ZC2HC1B: variants seen among roughly 807,000 people sequenced by gnomAD.
ZC2HC1B encodes the protein zinc finger C2HC-type containing 1B.
ZC2HC1B carries 36 observed loss-of-function variants against 31.0 expected under a neutral mutation model. The ratio of observed to expected loss-of-function variants is 1.16; its 90% CI spans 0.89 to 1.54. The LOEUF (loss-of-function observed/expected upper bound fraction) is 1.54, where lower values mean the gene tolerates loss of function less well. Among genes scored for constraint, ZC2HC1B ranks in the 40% most tolerant of loss-of-function variants. The pLI is 0.00. For synonymous variants in ZC2HC1B, 73 were observed against 88.0 expected, an observed-to-expected ratio of 0.83 and a Z score of 0.95; for missense variants, 260 against 268.6, an observed-to-expected ratio of 0.97 and a Z score of 0.22.
intron 4 of ZC2HC1B, among the ~76,000 whole-genome samples, chr6:143,891,370 C>T (rs1005274229): frequency 6.6e-6 from 1 of 151,782 alleles, no homozygotes; most frequent in Non-Finnish European, 1.5e-5. Context: ...AATGTAATTC[C>T]ACTAGAAATA....
chr6:143,913,902 T>C lies in ZC2HC1B; in HGVS notation c.598+10750T>C, dbSNP rs1777888920. Among the ~76,000 whole-genome samples the C allele has an allele frequency of 6.6e-6, 1 of 152,226 alleles. No homozygotes were observed. Among genetic ancestry groups the C allele is most frequent in the South Asian group, 2.1e-4 (1 of 4,834 alleles). Reference sequence around the variant, plus strand: ...CAGTCCCAGTGTGAGAACCTGGATGTTTCAGTTGAAAGCTGTATTCACTTG... The same window carrying C: ...CAGTCCCAGTGTGAGAACCTGGATGCTTCAGTTGAAAGCTGTATTCACTTG... On this transcript the variant is annotated intron_variant, in intron 6 of 7. Coordinates refer to ENST00000237275, the MANE Select transcript of ZC2HC1B (RefSeq NM_001013623.3). This position sits in a 1 kb window ranked among gnomAD's most constrained non-coding sequence, Gnocchi z 5.7.
rs758764385 is a variant in ZC2HC1B, at chr6:143,917,479, T to A, written c.598+14327T>A. Among the ~76,000 whole-genome samples, 7 of 152,256 alleles carry A rather than the reference T, an allele frequency of 4.6e-5. No homozygotes were observed. The highest frequency in any genetic ancestry group is 8.8e-5 in the Non-Finnish European group (6 of 68,048). Reference sequence around the variant, plus strand: ...GACTACATTTAACTTCCTAATGTTATCACATTCTCATTTGAATTTATTCCA... The same window carrying A: ...GACTACATTTAACTTCCTAATGTTAACACATTCTCATTTGAATTTATTCCA... On this transcript the variant is annotated intron_variant, in intron 6 of 7. Coordinates refer to ENST00000237275, the MANE Select transcript of ZC2HC1B (RefSeq NM_001013623.3). The surrounding 1 kb of genome is among the most constrained non-coding windows in gnomAD (Gnocchi z 4.1).
At chr6:143,878,741 C>T (rs754209828) in intron 1 of ZC2HC1B, among the ~76,000 whole-genome samples, 1 of 136,908 alleles carries the variant, frequency 7.3e-6, no homozygotes, top group Non-Finnish European at 1.6e-5. Flanking sequence ...CTCACAGGAA[C>T]CTAACCCTAT....
In ZC2HC1B at chr6:143,935,646, C is replaced by CTT. The variant is rs759896830; in HGVS notation, c.599-1976_599-1975dup. Among the ~76,000 whole-genome samples, 454 of 55,834 alleles carry CTT rather than the reference C, an allele frequency of 8.1e-3. 147 individuals carry two copies. The highest frequency in any genetic ancestry group is 0.018 in the African/African-American group (262 of 14,812). 36.6% of individuals were successfully genotyped at this position (55,834 alleles called of 152,430 possible). On this transcript the variant is annotated intron_variant, in intron 6 of 7. Coordinates refer to ENST00000237275, the MANE Select transcript of ZC2HC1B (RefSeq NM_001013623.3). ...GTAGTTTAGGCCACTTGGTATCACT[C>CTT]TTTTTTTTTTTTTTTTTTTTTTTTT...
chr6:143,919,421 C>A (rs1777962042), intron 6 of ZC2HC1B, among the ~76,000 whole-genome samples: 2 of 151,998 alleles, frequency 1.3e-5, no homozygotes, highest in South Asian at 4.2e-4. Flanking sequence ...TTTTTAATGT[C>A]TAGTTTCCAA....
chr6:143,864,686 C>CT, intron 1 of ZC2HC1B, 119 bp downstream of exon 1: 1 of 1,123,740 alleles, frequency 8.9e-7, no homozygotes, highest in Non-Finnish European at 1.3e-6. Flanking sequence ...CCGTTTAAAT[C>CT]TAAGTATTGT....
Position 143,884,460 on chromosome 6 carries a change from G to A in ZC2HC1B, c.90+95G>A. The stretch of plus-strand genomic sequence containing the variant: ...GGCAGTGCAAAGATTAAAGACAGAT[G>A]TGGAGGGGAAGCAAGGGAAGAGGAA... On this transcript the variant is annotated intron_variant, in intron 2 of 7. Coordinates refer to ENST00000237275, the MANE Select transcript of ZC2HC1B (RefSeq NM_001013623.3). This position sits in a 1 kb window ranked among gnomAD's most constrained non-coding sequence, Gnocchi z 5.1. 1 of 1,200,646 alleles carries A rather than the reference G, an allele frequency of 8.3e-7. No individual in the cohort carries two copies. Among genetic ancestry groups the A allele is most frequent in the Non-Finnish European group, 1.2e-6 (1 of 866,464 alleles). 74.4% of individuals were successfully genotyped at this position (1,200,646 alleles called of 1,614,324 possible). A position where few individuals can be genotyped will look rare whatever the true frequency, so the allele number is the denominator to read the frequency against.
At chr6:143,925,974 T>G (rs1000080719) in intron 6 of ZC2HC1B, among the ~76,000 whole-genome samples, 6 of 152,240 alleles carry the variant, frequency 3.9e-5, no homozygotes, top group African/African-American at 1.4e-4. Flanking sequence ...TGTCTCCCTT[T>G]TTGTTTGTGA....
rs1391145657 is a variant in ZC2HC1B, at chr6:143,923,057, G to A, written c.599-14592G>A. Reference sequence around the variant, plus strand: ...TTTTTGATAAGAGCCATTCTAACAAGGGTAAGATTTTGTCTCATTGCGTCT... The same window carrying A: ...TTTTTGATAAGAGCCATTCTAACAAAGGTAAGATTTTGTCTCATTGCGTCT... On this transcript the variant is annotated intron_variant, in intron 6 of 7. Transcript: ENST00000237275. The surrounding 1 kb of genome is among the most constrained non-coding windows in gnomAD (Gnocchi z 4.8). Among the ~76,000 whole-genome samples, 1 of 152,126 alleles carries A rather than the reference G, an allele frequency of 6.6e-6. No homozygotes were observed. Among genetic ancestry groups the A allele is most frequent in the African/African-American group, 2.4e-5 (1 of 41,440 alleles).
Position 143,884,399 on chromosome 6 carries a change from T to C in ZC2HC1B, c.90+34T>C, listed in dbSNP as rs770533477. 2.0e-4 allele frequency: 303 copies of C among 1,518,412 alleles called. No individual in the cohort carries two copies. The highest frequency in any genetic ancestry group is 2.5e-4 in the Non-Finnish European group (276 of 1,121,878). The allele number at this position is 1,518,412 out of a possible 1,614,324, so 94.1% of individuals were successfully genotyped here. The stretch of plus-strand genomic sequence containing the variant: ...AAAGACATTTTGTAGATGTGTTTCA[T>C]TGGACTTAAATGAACTGTCAAGTCA... On this transcript the variant is annotated intron_variant, in intron 2 of 7. Transcript: ENST00000237275. This position sits in a 1 kb window ranked among gnomAD's most constrained non-coding sequence, Gnocchi z 5.1.
At chr6:143,874,081 C>T (rs1777378402) in intron 1 of ZC2HC1B, among the ~76,000 whole-genome samples, 1 of 152,152 alleles carries the variant, frequency 6.6e-6, no homozygotes, top group South Asian at 2.1e-4. Context: ...TGATGCTTTC[C>T]TGCTTAGAAA....
rs1273840889 is a variant in ZC2HC1B at position 143,882,329 on chromosome 6, A to AT, written c.29-1969dup. Reference sequence around the variant, plus strand: ...CTTAAAATATGTATACATATTTTATATTTTTTATATATATATATATATATA... The same window carrying AT: ...CTTAAAATATGTATACATATTTTATATTTTTTTATATATATATATATATATA... On this transcript the variant is annotated intron_variant, in intron 1 of 7. Transcript: ENST00000237275. Among the ~76,000 whole-genome samples the AT allele has an allele frequency of 0.014, 1,424 of 98,272 alleles. 108 individuals carry two copies. The East Asian group carries it at 0.21, about 15-fold the overall frequency. The allele number at this position is 98,272 out of a possible 152,430, so 64.5% of individuals were successfully genotyped here. A position where few individuals can be genotyped will look rare whatever the true frequency, so the allele number is the denominator to read the frequency against.
intron 6 of ZC2HC1B, among the ~76,000 whole-genome samples, chr6:143,925,914 T>A (rs936955832): frequency 3.3e-5 from 5 of 152,350 alleles, no homozygotes; most frequent in Non-Finnish European, 7.3e-5. Context: ...AGCATATAGT[T>A]CTTTATAAGT....
rs1347741446 is a variant in ZC2HC1B at position 143,898,612 on chromosome 6, C to G, written c.410C>G (p.Thr137Ser). 4 of 1,551,766 alleles carry G rather than the reference C, an allele frequency of 2.6e-6. No individual in the cohort carries two copies. Among genetic ancestry groups the G allele is most frequent in the Non-Finnish European group, 3.5e-6 (4 of 1,147,028 alleles). ...AATGAAAGCGCAGCTGAGCGACATACTAATTTCTGCAAGGATCAGTCTTCT... is the reference window on the plus strand; with the variant it reads ...AATGAAAGCGCAGCTGAGCGACATAGTAATTTCTGCAAGGATCAGTCTTCT... ...RFNESAAERHTNFCKDQSSRR... is the reference protein window; with the variant it reads ...RFNESAAERHSNFCKDQSSRR... The change falls in exon 5 of 8, where the codon ACT becomes AGT. Residue 137 changes from threonine (T) to serine (S), a missense_variant. By Grantham distance (58) the Thr-to-Ser change is moderately conservative. Coordinates refer to ENST00000237275, the MANE Select transcript of ZC2HC1B (RefSeq NM_001013623.3).
Position 143,899,440 on chromosome 6 carries a change from A to G in ZC2HC1B, c.489+749A>G, listed in dbSNP as rs1777708368. On this transcript the variant is annotated intron_variant, in intron 5 of 7. Coordinates refer to ENST00000237275, the MANE Select transcript of ZC2HC1B (RefSeq NM_001013623.3). The surrounding 1 kb of genome is among the most constrained non-coding windows in gnomAD (Gnocchi z 5.0). ...GCCCAGGCTGGAGTGCAATGGTGTA[A>G]TCATGGCTCATTGCAGCTTTGACCT... Among the ~76,000 whole-genome samples the G allele has an allele frequency of 6.6e-6, 1 of 152,214 alleles. No individual in the cohort carries two copies. The highest frequency in any genetic ancestry group is 1.5e-5 in the Non-Finnish European group (1 of 68,034).
rs908352281 is a variant in ZC2HC1B at position 143,872,108 on chromosome 6, T to G, written c.28+7541T>G. Among the ~76,000 whole-genome samples the G allele has an allele frequency of 1.3e-5, 2 of 152,188 alleles. No individual in the cohort carries two copies. The highest frequency in any genetic ancestry group is 4.8e-5 in the African/African-American group (2 of 41,444). The stretch of plus-strand genomic sequence containing the variant: ...TTACCCTGGTACAAGGCCAGAGGTC[T>G]TCTTGGGGAAGGATGGGAGAAAGAT... On this transcript the variant is annotated intron_variant, in intron 1 of 7. Coordinates refer to ENST00000237275, the MANE Select transcript of ZC2HC1B (RefSeq NM_001013623.3). The surrounding 1 kb of genome is among the most constrained non-coding windows in gnomAD (Gnocchi z 5.5).
chr6:143,930,537 G>A (rs1004680819), intron 6 of ZC2HC1B, among the ~76,000 whole-genome samples: 2 of 151,886 alleles, frequency 1.3e-5, no homozygotes, highest in South Asian at 2.1e-4. Context: ...ACAGGCGCCC[G>A]CCACCACGCC....
chr6:143,886,709 G>C lies in ZC2HC1B; in HGVS notation c.237G>C (p.Trp79Cys). 6.5e-7 allele frequency: 1 copy of C among 1,544,304 alleles called. No homozygotes were observed. The highest frequency in any genetic ancestry group is 8.7e-7 in the Non-Finnish European group (1 of 1,143,630). The change falls in exon 4 of 8, where the codon TGG becomes TGC. Residue 79 changes from tryptophan (W) to cysteine (C), a missense_variant. By Grantham distance (215) the Trp-to-Cys change is radical. Coordinates refer to ENST00000237275, the MANE Select transcript of ZC2HC1B (RefSeq NM_001013623.3). The surrounding 1 kb of genome is among the most constrained non-coding windows in gnomAD (Gnocchi z 4.2). ...CTCCACCTGTGAGGAAGTCTAACTG[G>C]AGACAACAACATGAAGACTTTATTA... ...SKSPPVRKSN[W>C]RQQHEDFINA...
intron 4 of ZC2HC1B, among the ~76,000 whole-genome samples, chr6:143,897,966 GTTC>G (rs1292095211): frequency 6.6e-6 from 1 of 152,162 alleles, no homozygotes; most frequent in Non-Finnish European, 1.5e-5. Context: ...TCATTGAGAA[GTTC>G]TTAAGATTAA....
Sources: gnomAD v4.1 joint callset for allele counts (sites outside exome capture counted in the v4.1 genomes callset) on GRCh38, gnomAD v4.1.1 for gene constraint, Gnocchi (gnomAD v3.1) non-coding constraint, MANE v1.5 for transcripts, NCBI Gene and HGNC (gene_info 2026-07-23, HGNC 2026-07-21) for gene names.